Variants in CSMD1 observed in about 807,000 individuals in gnomAD.
CSMD1 encodes CUB and sushi domain-containing protein 1.
A neutral mutation model predicts 417.5 loss-of-function variants in CSMD1; 213 were observed. The observed-to-expected ratio is 0.51, with a 90% confidence interval of 0.46 to 0.57. CSMD1 has a LOEUF of 0.57. CSMD1 is among the 20% of genes least tolerant of loss of function. The pLI is 0.00. For missense variants in CSMD1, 6,923 were observed against 4,529.7 expected (o/e 1.53, Z -15.17); for synonymous variants, 2,862 against 1,736.8 (o/e 1.65, Z -16.11).
At chr8:3,626,939 G>C (rs1007412762) in intron 7 of CSMD1, among the ~76,000 whole-genome samples, 1 of 151,176 alleles carries the variant, frequency 6.6e-6, no homozygotes, top group South Asian at 2.1e-4. Flanking sequence ...ATATTATACA[G>C]TTTTAAATAC....
intron 3 of CSMD1, among the ~76,000 whole-genome samples, chr8:4,381,696 A>C (rs1803114494): frequency 6.6e-6 from 1 of 152,154 alleles, no homozygotes; most frequent in African/African-American, 2.4e-5. Flanking sequence ...CAGATGCGTC[A>C]ACATCTCCAA....
intron 7 of CSMD1, among the ~76,000 whole-genome samples, chr8:3,633,878 T>C (rs1034361443): frequency 6.6e-6 from 1 of 152,196 alleles, no homozygotes; most frequent in South Asian, 2.1e-4. Flanking sequence ...AGAAGAAACC[T>C]GACGTATGTA....
intron 2 of CSMD1, among the ~76,000 whole-genome samples, chr8:4,456,985 T>TTTTTAA (rs71207092): frequency 4.8e-4 from 66 of 138,804 alleles, no homozygotes; most frequent in South Asian, 2.1e-3. Flanking sequence ...GGTTTTTTTT[T>TTTTTAA]AAAAAAAAAA....
chr8:4,991,616 A>G (rs1811469097), intron 1 of CSMD1, among the ~76,000 whole-genome samples: 1 of 152,098 alleles, frequency 6.6e-6, no homozygotes, highest in Admixed American at 6.5e-5. Context: ...CTCCCCGGGA[A>G]AGCCCTGCTG....
intron 20 of CSMD1, among the ~76,000 whole-genome samples, chr8:3,362,178 A>C (rs374726383): frequency 1.7e-3 from 266 of 152,254 alleles, no homozygotes; most frequent in African/African-American, 5.9e-3. Flanking sequence ...CAAACTAACA[A>C]CACCAATCTC....
rs75320903 is a variant in CSMD1, at chr8:3,503,479, C to T, written c.1345-9753G>A. On this transcript the variant is annotated intron_variant, in intron 10 of 69. Transcript: ENST00000635120. ...CTAAAACACAGCAGTCTTGGGACGG[C>T]GGCATCAGCTGGCAGGAAGCCAAGA... 4.2e-3 allele frequency among the ~76,000 whole-genome samples: 642 copies of T among 152,316 alleles called. 6 individuals carry two copies. The East Asian group carries it at 0.047, about 11-fold the overall frequency.
chr8:4,623,184 T>C (rs922186457), intron 2 of CSMD1, among the ~76,000 whole-genome samples: 5 of 152,088 alleles, frequency 3.3e-5, no homozygotes, highest in African/African-American at 1.2e-4. Context: ...CGCAAAATAT[T>C]TTAACAGATA....
chr8:3,300,978 A>G (rs1563245467), intron 25 of CSMD1, among the ~76,000 whole-genome samples: 5 of 149,262 alleles, frequency 3.3e-5, no homozygotes, highest in African/African-American at 1.2e-4. Context: ...AAAAAAAAAA[A>G]AAAGAGAAAG....
intron 1 of CSMD1, among the ~76,000 whole-genome samples, chr8:4,738,280 T>G (rs1226360021): frequency 6.6e-6 from 1 of 152,230 alleles, no homozygotes; most frequent in Non-Finnish European, 1.5e-5. Flanking sequence ...AAACAACTGC[T>G]TGAGAATGGG....
chr8:4,794,721 C>T (rs1456994543), intron 1 of CSMD1, among the ~76,000 whole-genome samples: 2 of 152,156 alleles, frequency 1.3e-5, no homozygotes, highest in South Asian at 2.1e-4. Flanking sequence ...AGTATTTTCT[C>T]AGGAAAAAAG....
chr8:4,552,695 C>T (rs928067305), intron 2 of CSMD1, among the ~76,000 whole-genome samples: 4 of 152,086 alleles, frequency 2.6e-5, no homozygotes, highest in African/African-American at 9.7e-5. Flanking sequence ...GGTCTATTAC[C>T]CCATCACAAG....
chr8:3,851,990 G>C (rs1466502595), intron 5 of CSMD1, among the ~76,000 whole-genome samples: 1 of 152,086 alleles, frequency 6.6e-6, no homozygotes, highest in Non-Finnish European at 1.5e-5. Context: ...AAAACTGAGA[G>C]CATGGAGGGG....
At chr8:3,963,388 C>T (rs1222381155) in intron 5 of CSMD1, among the ~76,000 whole-genome samples, 2 of 152,136 alleles carry the variant, frequency 1.3e-5, no homozygotes, top group African/African-American at 4.8e-5. Context: ...TAATATATGA[C>T]ATCCTATACT....
intron 2 of CSMD1, among the ~76,000 whole-genome samples, chr8:4,567,654 G>C (rs1798675995): frequency 6.6e-6 from 1 of 152,130 alleles, no homozygotes; most frequent in Non-Finnish European, 1.5e-5. Flanking sequence ...TCCCAATAAA[G>C]GACGAAGGTT....
At chr8:3,720,620 T>TTCTCTCTCTCACAC (rs72331833) in intron 6 of CSMD1, among the ~76,000 whole-genome samples, 1 of 143,322 alleles carries the variant, frequency 7.0e-6, no homozygotes, top group African/African-American at 2.6e-5. Flanking sequence ...TCTTTATTCT[T>TTCTCTCTCTCACAC]ACACACACAC....
At chr8:4,379,655 T>C (rs1802975775) in intron 3 of CSMD1, among the ~76,000 whole-genome samples, 1 of 152,176 alleles carries the variant, frequency 6.6e-6, no homozygotes, top group Admixed American at 6.5e-5. Flanking sequence ...TGCTGGACTT[T>C]TTTTGAAATT....
chr8:3,122,092 T>C (rs1453374590), intron 41 of CSMD1, among the ~76,000 whole-genome samples: 2 of 152,112 alleles, frequency 1.3e-5, no homozygotes, highest in Non-Finnish European at 2.9e-5. Context: ...AGAAACAGTG[T>C]TTGAAAATGA....
intron 1 of CSMD1, among the ~76,000 whole-genome samples, chr8:4,641,353 T>C (rs943590285): frequency 6.6e-6 from 1 of 152,094 alleles, no homozygotes; most frequent in Non-Finnish European, 1.5e-5. Context: ...TATAGAAGAA[T>C]CAGAGAGTTA....
chr8:4,850,635 C>A (rs145452271), intron 1 of CSMD1, among the ~76,000 whole-genome samples: 4 of 152,082 alleles, frequency 2.6e-5, no homozygotes, highest in Non-Finnish European at 4.4e-5. Flanking sequence ...CTCTCTATGA[C>A]TCTTCCATCA....
Sources: allele counts gnomAD v4.1 joint callset (sites outside exome capture counted in the v4.1 genomes callset), GRCh38; gene constraint gnomAD v4.1.1; transcripts MANE v1.5; gene names NCBI Gene and HGNC (gene_info 2026-07-23, HGNC 2026-07-21).